Variants in MPP7 observed in about 807,000 individuals in gnomAD.
MPP7 encodes the protein MAGUK p55 subfamily member 7.
Under a neutral mutation model 76.5 loss-of-function variants are expected in MPP7, and 60 were observed. The ratio of observed to expected loss-of-function variants is 0.78; its 90% CI spans 0.64 to 0.97. MPP7 has a LOEUF of 0.97. Ranked by LOEUF, MPP7 falls within the 50% of genes least tolerant of loss-of-function variation. The probability of loss-of-function intolerance (pLI) is 0.00; values close to 1 mark genes in which losing one functional copy is unlikely to be tolerated. For synonymous variants in MPP7, 237 were observed against 244.5 expected (o/e 0.97, Z 0.29); for missense variants, 641 against 694.0 (o/e 0.92, Z 0.86).
chr10:28,188,651 T>C (rs894591473), intron 3 of MPP7, among the ~76,000 whole-genome samples: 3 of 152,202 alleles, frequency 2.0e-5, no homozygotes, highest in African/African-American at 7.2e-5. Context: ...TGTAAAGTTT[T>C]CAAGTTCAGA....
chr10:28,069,860 A>T lies in MPP7; in HGVS notation c.1124-8T>A. 6.2e-7 allele frequency: 1 copy of T among 1,610,828 alleles called. No individual in the cohort carries two copies. ...GCCCTACTCCCACGGGACCTGAAAA[A>T]CAGGGTAACAGAAATTCATTATTGG... On this transcript the variant is annotated splice_polypyrimidine_tract_variant and splice_region_variant and intron_variant, in intron 12 of 16. Transcript: ENST00000683449.
chr10:28,318,656 G>C (rs1483704740), intron 2 of MPP7, among the ~76,000 whole-genome samples: 1 of 152,182 alleles, frequency 6.6e-6, no homozygotes, highest in Non-Finnish European at 1.5e-5. Flanking sequence ...CTGCACTCCA[G>C]CCTGGGTGAC....
chr10:28,277,669 G>C (rs1305039425), intron 1 of MPP7, among the ~76,000 whole-genome samples: 3 of 152,072 alleles, frequency 2.0e-5, no homozygotes, highest in Non-Finnish European at 4.4e-5. Context: ...AGGGTACGGG[G>C]TAAACCGAAG....
chr10:28,324,519 T>C (rs1480649721), intron 2 of MPP7, among the ~76,000 whole-genome samples: 1 of 152,212 alleles, frequency 6.6e-6, no homozygotes, highest in Non-Finnish European at 1.5e-5. Flanking sequence ...ACAGGCCCTT[T>C]CTGCAATTTA....
At chr10:28,158,480 G>A (rs1375223017) in intron 3 of MPP7, among the ~76,000 whole-genome samples, 1 of 152,190 alleles carries the variant, frequency 6.6e-6, no homozygotes, top group Admixed American at 6.5e-5. Flanking sequence ...GTAAGTCTCT[G>A]AGACAATCCC....
intron 2 of MPP7, among the ~76,000 whole-genome samples, chr10:28,322,956 C>T (rs1466170229): frequency 6.6e-6 from 1 of 151,936 alleles, no homozygotes; most frequent in African/African-American, 2.4e-5. Context: ...AGTTCAAGAC[C>T]AGACTGGACA....
At chr10:28,298,867 T>G (rs1033194165) in intron 1 of MPP7, among the ~76,000 whole-genome samples, 1 of 152,210 alleles carries the variant, frequency 6.6e-6, no homozygotes, top group Non-Finnish European at 1.5e-5. Context: ...ACCTTGCACT[T>G]TTACATTAGG....
chr10:28,280,982 T>C (rs75132336), intron 1 of MPP7, among the ~76,000 whole-genome samples: 2 of 152,072 alleles, frequency 1.3e-5, no homozygotes, highest in South Asian at 2.1e-4. Context: ...AAATACCATA[T>C]ACAGGCCTCA....
At chr10:28,275,485 C>A (rs1222712961) in intron 1 of MPP7, among the ~76,000 whole-genome samples, 1 of 151,756 alleles carries the variant, frequency 6.6e-6, no homozygotes, top group Non-Finnish European at 1.5e-5. Context: ...CCGTTCACTG[C>A]AACCTCCGCC....
intron 12 of MPP7, among the ~76,000 whole-genome samples, chr10:28,087,515 C>T (rs906658313): frequency 2.0e-5 from 3 of 152,136 alleles, no homozygotes; most frequent in African/African-American, 7.2e-5. Context: ...TGTGCCTCAG[C>T]TTCCCAAGAA....
chr10:28,165,395 G>A (rs958459853), intron 3 of MPP7, among the ~76,000 whole-genome samples: 2 of 152,016 alleles, frequency 1.3e-5, no homozygotes, highest in Non-Finnish European at 2.9e-5. Flanking sequence ...GCATAGTGGT[G>A]CCCACCTATA....
intron 11 of MPP7, among the ~76,000 whole-genome samples, chr10:28,093,180 A>G (rs576561660): frequency 7.2e-5 from 11 of 152,290 alleles, no homozygotes; most frequent in Middle Eastern, 6.8e-3. Flanking sequence ...CTCTTGCCTC[A>G]TGAGAGGCAA....
At chr10:28,233,434 G>A (rs548600902) in intron 2 of MPP7, among the ~76,000 whole-genome samples, 15 of 152,204 alleles carry the variant, frequency 9.9e-5, no homozygotes, top group East Asian at 5.8e-4. Flanking sequence ...CCGGCCGGGC[G>A]CGGTGGCTCA....
intron 2 of MPP7, among the ~76,000 whole-genome samples, chr10:28,324,276 C>T (rs890920574): frequency 6.6e-6 from 1 of 152,134 alleles, no homozygotes; most frequent in African/African-American, 2.4e-5. Flanking sequence ...GGCAACAGGC[C>T]CTCCCCAGAC....
intron 1 of MPP7, among the ~76,000 whole-genome samples, chr10:28,276,855 TTGAC>T (rs1349680377): frequency 2.0e-5 from 3 of 152,036 alleles, no homozygotes; most frequent in African/African-American, 7.3e-5. Flanking sequence ...GCCCTATCGT[TTGAC>T]TGTGCCAGCT....
At chr10:28,211,074 G>A (rs995158888) in intron 2 of MPP7, among the ~76,000 whole-genome samples, 3 of 151,938 alleles carry the variant, frequency 2.0e-5, no homozygotes, top group African/African-American at 7.2e-5. Context: ...CTACACTGCA[G>A]GAGAAACATA....
intron 11 of MPP7, among the ~76,000 whole-genome samples, chr10:28,106,941 TTAAA>T (rs1191394732): frequency 1.3e-5 from 2 of 152,180 alleles, no homozygotes; most frequent in African/African-American, 2.4e-5. Flanking sequence ...CATCTACTGA[TTAAA>T]TACTCATTTT....
intron 2 of MPP7, among the ~76,000 whole-genome samples, chr10:28,233,579 G>A (rs968502771): frequency 1.3e-5 from 2 of 151,858 alleles, no homozygotes; most frequent in Admixed American, 6.6e-5. Flanking sequence ...TTAGCCGGGC[G>A]TGGTGGCGGG....
intron 1 of MPP7, among the ~76,000 whole-genome samples, chr10:28,276,250 C>T (rs1840493183): frequency 6.6e-6 from 1 of 151,904 alleles, no homozygotes; most frequent in African/African-American, 2.4e-5. Context: ...AGACTGGTCT[C>T]GAACTCCTGA....
Sources: gnomAD v4.1 joint callset for allele counts (sites outside exome capture counted in the v4.1 genomes callset) on GRCh38, gnomAD v4.1.1 for gene constraint, MANE v1.5 for transcripts, NCBI Gene and HGNC (gene_info 2026-07-23, HGNC 2026-07-21) for gene names.